Variants in NCALD observed in about 807,000 individuals in gnomAD.
The protein encoded by NCALD is neurocalcin-delta.
A neutral mutation model predicts 18.6 loss-of-function variants in NCALD; 10 were observed. That is an observed-to-expected ratio of 0.54 (90% CI 0.33 to 0.91). NCALD has a LOEUF of 0.91. NCALD is among the 40% of genes least tolerant of loss of function. The pLI is 0.03. For missense variants in NCALD, 184 were observed against 247.6 expected (o/e 0.74, Z 1.72); for synonymous variants, 88 against 87.4 (o/e 1.01, Z -0.04).
At chr8:101,786,437 T>C (rs1812232236) in intron 1 of NCALD, among the ~76,000 whole-genome samples, 1 of 152,128 alleles carries the variant, frequency 6.6e-6, no homozygotes, top group Admixed American at 6.6e-5. Flanking sequence ...CATGATAAGA[T>C]GTGGGAAGGT....
At chr8:102,106,229 C>G (rs1825441912) in intron 1 of NCALD, among the ~76,000 whole-genome samples, 1 of 151,582 alleles carries the variant, frequency 6.6e-6, no homozygotes, top group Non-Finnish European at 1.5e-5. Flanking sequence ...ACCAGCATGC[C>G]TGGCTAATTT....
At chr8:101,847,843 G>A (rs1370498734) in intron 4 of NCALD, among the ~76,000 whole-genome samples, 1 of 152,142 alleles carries the variant, frequency 6.6e-6, no homozygotes, top group African/African-American at 2.4e-5. Flanking sequence ...TCAGGGAAGA[G>A]AGTGTGGAGT....
rs138329493 is a variant in NCALD at position 101,886,285 on chromosome 8, G to A, written c.-20+856C>T. ...GGGAAAAGGAAGTGGGATGAAAAGA[G>A]CTAAGTCTACTCAAGTTTCATTTGA... On this transcript the variant is annotated intron_variant, in intron 4 of 6. Coordinates refer to the NCALD transcript ENST00000311028. 3.0e-3 allele frequency among the ~76,000 whole-genome samples: 461 copies of A among 152,328 alleles called. 3 individuals carry two copies. The highest frequency in any genetic ancestry group is 3.4e-3 in the Non-Finnish European group (232 of 68,020).
chr8:101,785,143 T>C (rs1451077428), intron 1 of NCALD, among the ~76,000 whole-genome samples: 1 of 152,210 alleles, frequency 6.6e-6, no homozygotes, highest in African/African-American at 2.4e-5. Context: ...CTCAATTTCC[T>C]CATTTATAAA....
chr8:101,773,512 G>A (rs1811669240), intron 1 of NCALD, among the ~76,000 whole-genome samples: 1 of 152,142 alleles, frequency 6.6e-6, no homozygotes, highest in South Asian at 2.1e-4. Flanking sequence ...AAACTGTGGG[G>A]TCAGATTTAG....
chr8:101,779,300 G>C (rs1811918892), intron 1 of NCALD, among the ~76,000 whole-genome samples: 1 of 152,140 alleles, frequency 6.6e-6, no homozygotes, highest in Non-Finnish European at 1.5e-5. Flanking sequence ...ACATTAAATG[G>C]TAGCACAGAG....
chr8:101,766,488 G>A (rs554464492), intron 1 of NCALD, among the ~76,000 whole-genome samples: 22 of 152,254 alleles, frequency 1.4e-4, no homozygotes, highest in Middle Eastern at 3.4e-3. Context: ...CCTAACCTGA[G>A]CTTCTAAGTT....
chr8:101,899,680 T>C (rs918894014), intron 3 of NCALD, among the ~76,000 whole-genome samples: 1 of 151,898 alleles, frequency 6.6e-6, no homozygotes, highest in Non-Finnish European at 1.5e-5. Context: ...GTGAATTACA[T>C]TGAGGATTTT....
chr8:101,899,339 G>T (rs1174852186), intron 3 of NCALD, among the ~76,000 whole-genome samples: 2 of 151,820 alleles, frequency 1.3e-5, no homozygotes, highest in East Asian at 1.9e-4. Flanking sequence ...CCTGCAAATA[G>T]GAATGGTTTT....
chr8:101,967,073 G>A (rs192068597), intron 2 of NCALD, among the ~76,000 whole-genome samples: 64 of 152,216 alleles, frequency 4.2e-4, no homozygotes, highest in African/African-American at 1.4e-3. Flanking sequence ...GCTTGATGAA[G>A]GGAAAGAACT....
intron 2 of NCALD, among the ~76,000 whole-genome samples, chr8:101,919,505 GCAA>G (rs1198170894): frequency 1.3e-5 from 2 of 151,942 alleles, no homozygotes; most frequent in Non-Finnish European, 2.9e-5. Context: ...AAAAGCAATT[GCAA>G]CAAAAACAAA....
rs537121547 is a variant in NCALD at position 102,093,316 on chromosome 8, G to C, written c.-210+30921C>G. 9.8e-5 allele frequency among the ~76,000 whole-genome samples: 15 copies of C among 152,302 alleles called. No individual in the cohort carries two copies. In the South Asian group the frequency reaches 2.9e-3, roughly 29 times the overall value. ...GTCTGAATAATAGTTTGATTAGACA[G>C]TAGGAAATGCTTTTCATCATGAAGG... On this transcript the variant is annotated intron_variant, in intron 1 of 6. Coordinates refer to the NCALD transcript ENST00000311028.
At chr8:101,999,711 T>A (rs1190277952) in intron 2 of NCALD, among the ~76,000 whole-genome samples, 4 of 151,844 alleles carry the variant, frequency 2.6e-5, no homozygotes, top group East Asian at 1.9e-4. Context: ...AATAAAAAAA[T>A]TAATAAAAAA....
rs773297943 is a variant in NCALD, at chr8:101,687,842, A to G, written c.*1467T>C. On this transcript the variant is annotated 3_prime_UTR_variant, in exon 4 of 4. Coordinates refer to ENST00000220931, the MANE Select transcript of NCALD (RefSeq NM_032041.3). ...AAATTAGTGTGTCTGAGGTCACCAG[A>G]CCAAACAGCAACTCAGACTTGTGCT... The G allele has an allele frequency of 1.3e-5, 2 of 152,236 alleles. No individual in the cohort carries two copies. Among genetic ancestry groups the G allele is most frequent in the Non-Finnish European group, 2.9e-5 (2 of 68,052 alleles). 9.4% of individuals were successfully genotyped at this position (152,236 alleles called of 1,614,324 possible). A position where few individuals can be genotyped will look rare whatever the true frequency, so the allele number is the denominator to read the frequency against.
At chr8:101,874,855 C>T (rs1816165498) in intron 4 of NCALD, among the ~76,000 whole-genome samples, 1 of 152,114 alleles carries the variant, frequency 6.6e-6, no homozygotes, top group African/African-American at 2.4e-5. Flanking sequence ...CTCCTCTCCT[C>T]TTCCTAAGTA....
chr8:102,112,900 T>C (rs966695329), intron 1 of NCALD, among the ~76,000 whole-genome samples: 47 of 152,192 alleles, frequency 3.1e-4, no homozygotes, highest in African/African-American at 1.0e-3. Context: ...CTCTTCACTT[T>C]CCATCATGAA....
intron 4 of NCALD, among the ~76,000 whole-genome samples, chr8:101,883,825 C>T (rs1260786920): frequency 6.6e-6 from 1 of 152,128 alleles, no homozygotes; most frequent in Non-Finnish European, 1.5e-5. Flanking sequence ...CTGCCTGTTC[C>T]ACTAGAATTT....
At chr8:101,759,485 A>C (rs1457434273) in intron 1 of NCALD, among the ~76,000 whole-genome samples, 2 of 152,178 alleles carry the variant, frequency 1.3e-5, no homozygotes, top group Non-Finnish European at 2.9e-5. Flanking sequence ...AAAATGAGGA[A>C]AACATCCCAG....
At chr8:102,021,347 T>C (rs1822266603) in intron 1 of NCALD, among the ~76,000 whole-genome samples, 1 of 152,196 alleles carries the variant, frequency 6.6e-6, no homozygotes, top group South Asian at 2.1e-4. Flanking sequence ...GACTCACTCA[T>C]TGTAGAAACA....
Sources: allele counts gnomAD v4.1 joint callset (sites outside exome capture counted in the v4.1 genomes callset), GRCh38; gene constraint gnomAD v4.1.1; transcripts MANE v1.5; gene names NCBI Gene and HGNC (gene_info 2026-07-23, HGNC 2026-07-21).